ANXA4: variants seen among roughly 807,000 people sequenced by gnomAD.
The protein encoded by ANXA4 is 35-beta calcimedin.
A neutral mutation model predicts 49.8 loss-of-function variants in ANXA4; 39 were observed. The observed-to-expected ratio is 0.78, with a 90% confidence interval of 0.61 to 1.02. The LOEUF (loss-of-function observed/expected upper bound fraction) is 1.02, where lower values mean the gene tolerates loss of function less well. Among genes scored for constraint, ANXA4 ranks in the 50% least tolerant of loss-of-function variants. The pLI is 0.00. For missense variants in ANXA4, 360 were observed against 410.1 expected, an observed-to-expected ratio of 0.88 and a Z score of 1.05; for synonymous variants, 134 against 152.5, an observed-to-expected ratio of 0.88 and a Z score of 0.89.
intron 3 of ANXA4, among the ~76,000 whole-genome samples, chr2:69,726,887 AG>A (rs1298098883): frequency 1.3e-5 from 2 of 152,216 alleles, no homozygotes; most frequent in Admixed American, 1.3e-4. Flanking sequence ...CACACACACA[AG>A]CAAATATATA....
At chr2:69,656,255 A>G (rs1321062521) in intron 2 of ANXA4, among the ~76,000 whole-genome samples, 2 of 138,654 alleles carry the variant, frequency 1.4e-5, no homozygotes, top group Admixed American at 8.4e-5. Context: ...ATATATGTAT[A>G]TACGTATATA....
Position 69,826,177 on chromosome 2 carries a change from T to C in ANXA4, c.*662T>C, listed in dbSNP as rs1185191765. Reference sequence around the variant, plus strand: ...CTAAAGTATGGTTATACAAACCATATACATCTGGTTACCAAACATAAATGC... The same window carrying C: ...CTAAAGTATGGTTATACAAACCATACACATCTGGTTACCAAACATAAATGC... On this transcript the variant is annotated 3_prime_UTR_variant, in exon 13 of 13. Transcript: ENST00000394295. 6.6e-6 allele frequency: 1 copy of C among 152,636 alleles called. No homozygotes were observed. Among genetic ancestry groups the C allele is most frequent in the Non-Finnish European group, 1.5e-5 (1 of 68,044 alleles). The allele number at this position is 152,636 out of a possible 1,614,324, so 9.5% of individuals were successfully genotyped here.
chr2:69,816,685 A>G lies in ANXA4; in HGVS notation c.628+491A>G, dbSNP rs115114574. ...TTGATATGTTTCTAATTTGTTTCTG[A>G]TAAATATAAACTTTGTAATGTGATT... On this transcript the variant is annotated intron_variant, in intron 9 of 12. Transcript: ENST00000394295. 1,353 of 152,416 alleles carry G rather than the reference A, an allele frequency of 8.9e-3. 11 individuals are homozygous for G. The highest frequency in any genetic ancestry group is 0.015 in the Non-Finnish European group (1,016 of 68,264). The allele number at this position is 152,416 out of a possible 1,614,324, so 9.4% of individuals were successfully genotyped here.
At chr2:69,791,989 C>T (rs1672712521) in intron 3 of ANXA4, among the ~76,000 whole-genome samples, 1 of 152,076 alleles carries the variant, frequency 6.6e-6, no homozygotes. Flanking sequence ...AATATTATTC[C>T]CTAAAGTATA....
chr2:69,771,089 G>A (rs1271452530), intron 1 of ANXA4, among the ~76,000 whole-genome samples: 4 of 109,986 alleles, frequency 3.6e-5, no homozygotes, highest in African/African-American at 1.5e-4. Flanking sequence ...GCAAGACCCT[G>A]TCTCCAAAAA....
intron 9 of ANXA4, chr2:69,817,747 A>G (rs1411342551): frequency 3.9e-5 from 6 of 152,202 alleles, no homozygotes; most frequent in Admixed American, 6.5e-5. Context: ...TTGACCCCCT[A>G]CTTCAGACTG....
At chr2:69,679,718 G>A (rs573890642) in intron 2 of ANXA4, among the ~76,000 whole-genome samples, 11 of 152,228 alleles carry the variant, frequency 7.2e-5, no homozygotes, top group African/African-American at 2.2e-4. Flanking sequence ...TCATTTTTCT[G>A]TAGAAGCATA....
intron 1 of ANXA4, among the ~76,000 whole-genome samples, chr2:69,768,538 A>G (rs761614308): frequency 2.0e-5 from 3 of 152,212 alleles, no homozygotes; most frequent in Non-Finnish European, 4.4e-5. Context: ...AGGGGATCAT[A>G]TACTGTCATG....
chr2:69,726,870 C>T (rs1029758630), intron 3 of ANXA4, among the ~76,000 whole-genome samples: 3 of 152,128 alleles, frequency 2.0e-5, no homozygotes, highest in African/African-American at 7.2e-5. Flanking sequence ...ACGGTCTATT[C>T]ATTTCACACA....
At chr2:69,757,784 G>A (rs1033134304) in intron 1 of ANXA4, among the ~76,000 whole-genome samples, 1 of 151,076 alleles carries the variant, frequency 6.6e-6, no homozygotes, top group African/African-American at 2.4e-5. Context: ...TGGTGAAATC[G>A]GTCTCTATTA....
intron 1 of ANXA4, among the ~76,000 whole-genome samples, chr2:69,761,596 A>T (rs185601039): frequency 8.3e-4 from 126 of 152,158 alleles, no homozygotes; most frequent in Admixed American, 1.5e-3. Flanking sequence ...ACTCCACTCA[A>T]TTGTACATCA....
chr2:69,765,714 G>A (rs914901508), intron 1 of ANXA4, among the ~76,000 whole-genome samples: 2 of 152,140 alleles, frequency 1.3e-5, no homozygotes, highest in African/African-American at 2.4e-5. Context: ...TAAAACCCTA[G>A]TCTAAAATCA....
chr2:69,738,403 A>G (rs1290066882), upstream of ANXA4, among the ~76,000 whole-genome samples: 1 of 152,178 alleles, frequency 6.6e-6, no homozygotes, highest in East Asian at 1.9e-4. Context: ...CAAGCAGCTC[A>G]GTAGGCATCA....
chr2:69,761,745 A>AC (rs1263673996), intron 1 of ANXA4, among the ~76,000 whole-genome samples: 1 of 149,834 alleles, frequency 6.7e-6, no homozygotes, highest in African/African-American at 2.5e-5. Flanking sequence ...ACATGGTGAG[A>AC]CCCCGTCTGT....
intron 2 of ANXA4, among the ~76,000 whole-genome samples, chr2:69,660,638 A>G (rs1244765689): frequency 6.6e-6 from 1 of 152,176 alleles, no homozygotes; most frequent in East Asian, 1.9e-4. Context: ...AGAACTACCA[A>G]AGGGAAATTT....
At chr2:69,777,596 T>C (rs1423056511) in intron 1 of ANXA4, among the ~76,000 whole-genome samples, 3 of 152,178 alleles carry the variant, frequency 2.0e-5, no homozygotes, top group African/African-American at 7.2e-5. Flanking sequence ...GTCACAATAT[T>C]ATATGGCCTG....
chr2:69,723,064 T>C (rs560321281), intron 3 of ANXA4, among the ~76,000 whole-genome samples: 16 of 149,916 alleles, frequency 1.1e-4, no homozygotes, highest in South Asian at 2.1e-4. Context: ...GGTGGCACGA[T>C]CCTGTAGTCC....
At chr2:69,771,094 CAAAAAAAA>C (rs1169928879) in intron 1 of ANXA4, among the ~76,000 whole-genome samples, 2 of 42,412 alleles carry the variant, frequency 4.7e-5, no homozygotes, top group Non-Finnish European at 1.0e-4. Context: ...ACCCTGTCTC[CAAAAAAAA>C]AAAAAAGAAA....
At chr2:69,743,907 C>T (rs1194808859) in intron 1 of ANXA4, among the ~76,000 whole-genome samples, 1 of 152,184 alleles carries the variant, frequency 6.6e-6, no homozygotes, top group Non-Finnish European at 1.5e-5. Flanking sequence ...GGGTGAGCCT[C>T]CTGGTCATCC....
Sources: allele counts gnomAD v4.1 joint callset (sites outside exome capture counted in the v4.1 genomes callset), GRCh38; gene constraint gnomAD v4.1.1; transcripts MANE v1.5; gene names NCBI Gene and HGNC (gene_info 2026-07-23, HGNC 2026-07-21).